Variants in CADM2 observed in about 807,000 individuals in gnomAD.
CADM2 encodes the protein cell adhesion molecule 2.
In CADM2, 12 loss-of-function variants were observed where a neutral mutation model predicts 49.8. The ratio of observed to expected loss-of-function variants is 0.24; its 90% confidence interval spans 0.15 to 0.39. CADM2 has a LOEUF of 0.39. Among genes scored for constraint, CADM2 ranks in the 10% least tolerant of loss-of-function variants. CADM2 has a pLI of 1.00. For synonymous variants in CADM2, 214 were observed against 175.4 expected, an observed-to-expected ratio of 1.22 and a Z score of -1.74; for missense variants, 378 against 492.3, an observed-to-expected ratio of 0.77 and a Z score of 2.20.
intron 1 of CADM2, among the ~76,000 whole-genome samples, chr3:85,263,738 A>G (rs1197700454): frequency 2.0e-5 from 3 of 152,130 alleles, no homozygotes; most frequent in Non-Finnish European, 2.9e-5. Flanking sequence ...TGTAATTATC[A>G]CTGGTCTATT....
intron 1 of CADM2, among the ~76,000 whole-genome samples, chr3:85,184,341 A>G (rs1185433389): frequency 1.3e-5 from 2 of 152,206 alleles, no homozygotes; most frequent in East Asian, 3.9e-4. Flanking sequence ...GAAAAGAACA[A>G]TTGTCCTAAC....
chr3:85,968,115 T>C (rs1389100464), intron 8 of CADM2, among the ~76,000 whole-genome samples: 2 of 151,646 alleles, frequency 1.3e-5, no homozygotes, highest in South Asian at 4.1e-4. Flanking sequence ...GCTGCTCTCA[T>C]CTCTGGTTGA....
intron 5 of CADM2, among the ~76,000 whole-genome samples, chr3:85,900,393 T>C (rs1319266826): frequency 6.6e-6 from 1 of 152,204 alleles, no homozygotes; most frequent in African/African-American, 2.4e-5. Context: ...CAGGCTATTT[T>C]AAATTAAAAA....
At chr3:85,433,858 A>G (rs879554325) in intron 1 of CADM2, among the ~76,000 whole-genome samples, 3 of 152,144 alleles carry the variant, frequency 2.0e-5, no homozygotes, top group African/African-American at 7.2e-5. Context: ...GCACACATAC[A>G]TCACAGCACT....
chr3:85,489,656 TAAAAG>T (rs2039577848), intron 1 of CADM2, among the ~76,000 whole-genome samples: 2 of 102,516 alleles, frequency 2.0e-5, no homozygotes, highest in African/African-American at 7.0e-5. Flanking sequence ...AGTATAATAA[TAAAAG>T]AAAAAAAATC....
Position 85,180,090 on chromosome 3 carries a change from T to C in CADM2, c.61+220422T>C, listed in dbSNP as rs560309665. 3.3e-5 allele frequency among the ~76,000 whole-genome samples: 5 copies of C among 152,258 alleles called. No homozygotes were observed. The South Asian group carries it at 1.0e-3, about 32-fold the overall frequency. On this transcript the variant is annotated intron_variant, in intron 1 of 9. Transcript: ENST00000383699. ...AAAATCTTTTACATTCAAATTGGGC[T>C]TATTGAATATAAATAAAATAAATAA...
intron 1 of CADM2, among the ~76,000 whole-genome samples, chr3:85,701,338 G>A (rs1312267558): frequency 6.6e-6 from 1 of 152,154 alleles, no homozygotes; most frequent in African/African-American, 2.4e-5. Context: ...GATTTGGGTA[G>A]GGACACAGAT....
intron 8 of CADM2, among the ~76,000 whole-genome samples, chr3:86,062,381 T>A (rs1001281629): frequency 3.3e-5 from 5 of 152,114 alleles, no homozygotes; most frequent in African/African-American, 1.2e-4. Context: ...GAAATAGATA[T>A]TAGAGAGCTA....
At chr3:85,074,969 A>G (rs2036888271) in intron 1 of CADM2, among the ~76,000 whole-genome samples, 1 of 152,118 alleles carries the variant, frequency 6.6e-6, no homozygotes, top group Non-Finnish European at 1.5e-5. Flanking sequence ...CACTAGGAGC[A>G]AGATGCAATT....
At chr3:84,976,809 A>G (rs899516464) in intron 1 of CADM2, among the ~76,000 whole-genome samples, 1 of 151,932 alleles carries the variant, frequency 6.6e-6, no homozygotes, top group African/African-American at 2.4e-5. Flanking sequence ...CAATGGCTGC[A>G]AACAGATTAC....
In CADM2 at chr3:85,718,154, G is replaced by A. The variant is rs919930614; in HGVS notation, c.62-8368G>A. ...TCATTGGTAACATATTCTGAAGTGT[G>A]TATATTATATGTATATATAACCCAT... On this transcript the variant is annotated intron_variant, in intron 1 of 9. Coordinates refer to ENST00000383699, the MANE Select transcript of CADM2 (RefSeq NM_001167675.2). 3.9e-5 allele frequency among the ~76,000 whole-genome samples: 6 copies of A among 152,188 alleles called. No individual in the cohort carries two copies. The South Asian group carries it at 6.2e-4, about 16-fold the overall frequency.
At chr3:84,989,451 T>C (rs753305723) in intron 1 of CADM2, among the ~76,000 whole-genome samples, 78 of 152,262 alleles carry the variant, frequency 5.1e-4, no homozygotes, top group Non-Finnish European at 7.6e-4. Context: ...AGCTGTTTTT[T>C]GTTCATTTAT....
At chr3:85,545,160 T>C (rs1362017415) in intron 1 of CADM2, among the ~76,000 whole-genome samples, 2 of 152,192 alleles carry the variant, frequency 1.3e-5, no homozygotes, top group Non-Finnish European at 2.9e-5. Context: ...TTTTTGAAGT[T>C]GCAGTTAATC....
At chr3:85,906,602 A>G (rs1036499865) in intron 5 of CADM2, among the ~76,000 whole-genome samples, 2 of 152,128 alleles carry the variant, frequency 1.3e-5, no homozygotes, top group Non-Finnish European at 2.9e-5. Context: ...TGAATATTAT[A>G]AGGACTTTTA....
chr3:85,721,468 G>T (rs368251853), intron 1 of CADM2, among the ~76,000 whole-genome samples: 1 of 152,150 alleles, frequency 6.6e-6, no homozygotes, highest in Non-Finnish European at 1.5e-5. Flanking sequence ...ACTGGCCTGG[G>T]TCTCATGACT....
chr3:85,139,395 A>G (rs906887533), intron 1 of CADM2, among the ~76,000 whole-genome samples: 1 of 152,138 alleles, frequency 6.6e-6, no homozygotes, highest in South Asian at 2.1e-4. Flanking sequence ...ACTAAATGTC[A>G]TATTTCAGCT....
chr3:84,983,088 G>T (rs1559601646), intron 1 of CADM2, among the ~76,000 whole-genome samples: 1 of 151,928 alleles, frequency 6.6e-6, no homozygotes, highest in Non-Finnish European at 1.5e-5. Flanking sequence ...AGTTAAACAG[G>T]CTATTTATGG....
chr3:85,505,379 A>C (rs2040303101), intron 1 of CADM2, among the ~76,000 whole-genome samples: 2 of 152,198 alleles, frequency 1.3e-5, no homozygotes, highest in Non-Finnish European at 2.9e-5. Flanking sequence ...GTAGCCAAAA[A>C]CTGAAAATCT....
chr3:86,046,897 A>T (rs141381494), intron 8 of CADM2, among the ~76,000 whole-genome samples: 144 of 150,474 alleles, frequency 9.6e-4, no homozygotes, highest in Non-Finnish European at 1.6e-3. Context: ...TAAATTTTTC[A>T]CAAAAAAATT....
Sources: allele counts gnomAD v4.1 joint callset (sites outside exome capture counted in the v4.1 genomes callset), GRCh38; gene constraint gnomAD v4.1.1; transcripts MANE v1.5; gene names NCBI Gene and HGNC (gene_info 2026-07-23, HGNC 2026-07-21).